The following NEK1 variants were observed in gnomAD, a reference collection of about 807,000 sequenced individuals.
NEK1 encodes the protein NIMA related kinase 1.
A neutral mutation model predicts 182.1 loss-of-function variants in NEK1; 137 were observed. The ratio of observed to expected loss-of-function variants is 0.75; its 90% CI spans 0.65 to 0.87. The LOEUF (loss-of-function observed/expected upper bound fraction) is 0.87. Among genes scored for constraint, NEK1 ranks in the 40% least tolerant of loss-of-function variants. The pLI, the probability that NEK1 is intolerant of heterozygous loss-of-function variation, is 0.00. For missense variants in NEK1, 1,391 were observed against 1,494.4 expected (o/e 0.93, Z 1.14); for synonymous variants, 513 against 492.2 (o/e 1.04, Z -0.56).
chr4:169,525,947 A>G (rs777202175), intron 19 of NEK1, among the ~76,000 whole-genome samples: 2 of 152,240 alleles, frequency 1.3e-5, no homozygotes, highest in Admixed American at 6.5e-5. Context: ...GGCCAGTTTT[A>G]AAACCAGTAA....
intron 14 of NEK1, 42 bp from the exon 15 acceptor site, chr4:169,561,779 C>G (rs761539065): frequency 1.3e-6 from 2 of 1,598,756 alleles, no homozygotes; most frequent in Admixed American, 1.7e-5. Flanking sequence ...ACTCTTGAAC[C>G]TATTATCACT....
In NEK1 at chr4:169,562,171, A is replaced by C; in HGVS notation, c.1046T>G (p.Val349Gly). Residue 349 changes from valine (V) to glycine (G), a missense_variant, in exon 13 of 36, where the codon GTG becomes GGG. Coordinates refer to ENST00000507142, the MANE Select transcript of NEK1 (RefSeq NM_001199397.3). The part of the protein sequence containing the change: ...KQAHQTPEKR[V>G]NTGEERRKIS... Reference sequence around the variant, plus strand: ...TTTCCTCCTTTCTTCTCCAGTATTCACTCTCTTCTCTGGAGTTTGATGGGC... The same window carrying C: ...TTTCCTCCTTTCTTCTCCAGTATTCCCTCTCTTCTCTGGAGTTTGATGGGC... The C allele has an allele frequency of 6.5e-7, 1 of 1,548,910 alleles. No homozygotes were observed. The highest frequency in any genetic ancestry group is 2.0e-5 in the Admixed American group (1 of 51,038).
chr4:169,580,565 T>G (rs916659949), intron 11 of NEK1, among the ~76,000 whole-genome samples: 27 of 151,536 alleles, frequency 1.8e-4, no homozygotes, highest in African/African-American at 6.5e-4. Flanking sequence ...ATTTTACAAT[T>G]CTATAACAAC....
intron 23 of NEK1, among the ~76,000 whole-genome samples, chr4:169,485,667 A>C (rs1056703068): frequency 2.0e-5 from 3 of 152,164 alleles, no homozygotes; most frequent in African/African-American, 7.2e-5. Flanking sequence ...AGAATGACCC[A>C]ATTTTATTAT....
intron 27 of NEK1, among the ~76,000 whole-genome samples, chr4:169,441,314 C>G (rs1423569458): frequency 1.3e-5 from 2 of 152,234 alleles, no homozygotes; most frequent in African/African-American, 2.4e-5. Context: ...AGCCTGAGGT[C>G]AGGCCTGGCC....
At chr4:169,425,208 C>T (rs1267287634) in intron 30 of NEK1, among the ~76,000 whole-genome samples, 3 of 150,550 alleles carry the variant, frequency 2.0e-5, no homozygotes, top group African/African-American at 7.4e-5. Context: ...TGGAGGATTG[C>T]TTGAGGCCAG....
intron 23 of NEK1, among the ~76,000 whole-genome samples, chr4:169,491,136 C>CAAAAAAAAAAAAA (rs70964208): frequency 2.2e-5 from 1 of 45,904 alleles, no homozygotes; most frequent in African/African-American, 1.3e-4. Flanking sequence ...GACTCCATCT[C>CAAAAAAAAAAAAA]AAAAAAAAAA....
At chr4:169,539,825 G>C (rs1759116315) in intron 18 of NEK1, among the ~76,000 whole-genome samples, 1 of 152,020 alleles carries the variant, frequency 6.6e-6, no homozygotes, top group Non-Finnish European at 1.5e-5. Flanking sequence ...TATCCTGATT[G>C]TATCAACTTC....
chr4:169,458,400 A>G (rs1743312689), intron 27 of NEK1, among the ~76,000 whole-genome samples: 1 of 152,120 alleles, frequency 6.6e-6, no homozygotes, highest in African/African-American at 2.4e-5. Context: ...CTTCAAAAAT[A>G]TTTACTCCAA....
chr4:169,556,240 A>G, intron 16 of NEK1, 145 bp from the exon 17 acceptor site: 1 of 698,106 alleles, frequency 1.4e-6, no homozygotes, highest in Non-Finnish European at 2.2e-6. Context: ...CATAAAGCCT[A>G]AAGCAAAATG....
At chr4:169,403,814 T>G (rs1732100239) in intron 32 of NEK1, among the ~76,000 whole-genome samples, 1 of 152,164 alleles carries the variant, frequency 6.6e-6, no homozygotes, top group Admixed American at 6.5e-5. Flanking sequence ...TAAAAAAATT[T>G]GGTCTTGAAT....
At chr4:169,448,377 T>A (rs1740996222) in intron 27 of NEK1, among the ~76,000 whole-genome samples, 1 of 152,156 alleles carries the variant, frequency 6.6e-6, no homozygotes, top group African/African-American at 2.4e-5. Context: ...TTGTCATCAG[T>A]TTAAAATAGT....
At chr4:169,473,281 T>G (rs1746352024) in intron 26 of NEK1, among the ~76,000 whole-genome samples, 1 of 149,542 alleles carries the variant, frequency 6.7e-6, no homozygotes, top group African/African-American at 2.5e-5. Flanking sequence ...TCTTACAGAA[T>G]TCTAAGTGGG....
At chr4:169,593,183 G>A (rs1369372164) in intron 5 of NEK1, among the ~76,000 whole-genome samples, 1 of 152,026 alleles carries the variant, frequency 6.6e-6, no homozygotes, top group Non-Finnish European at 1.5e-5. Flanking sequence ...TCAGAGATCA[G>A]GGGTCAGCAA....
intron 33 of NEK1, among the ~76,000 whole-genome samples, chr4:169,400,920 T>TAAA (rs35743529): frequency 1.4e-5 from 2 of 146,452 alleles, no homozygotes; most frequent in African/African-American, 2.5e-5. Context: ...GTTACTTAAA[T>TAAA]AAAAAAAAAA....
At position 169,562,214 on chromosome 4, in the gene NEK1, C is replaced by A; in HGVS notation, c.1021-18G>T. The A allele has an allele frequency of 6.7e-7, 1 of 1,493,870 alleles. No homozygotes were observed. Among genetic ancestry groups the A allele is most frequent in the South Asian group, 1.3e-5 (1 of 74,644 alleles). The allele number at this position is 1,493,870 out of a possible 1,614,324, so 92.5% of individuals were successfully genotyped here. On this transcript the variant is annotated intron_variant, in intron 12 of 35. Coordinates refer to ENST00000507142, the MANE Select transcript of NEK1 (RefSeq NM_001199397.3). ...TGATGGGCCTGGACAAAAAGTAAAA[C>A]TACAAATTAAATAAAGATTTTGAGG...
chr4:169,465,178 ATAGAG>A (rs771412366), intron 26 of NEK1, among the ~76,000 whole-genome samples: 5 of 152,168 alleles, frequency 3.3e-5, no homozygotes, highest in Non-Finnish European at 2.9e-5. Context: ...GATGGTTAAA[ATAGAG>A]TAGAGAACCC....
intron 24 of NEK1, 82 bp from the exon 25 acceptor site, chr4:169,477,579 T>G (rs1007209171): frequency 9.2e-7 from 1 of 1,086,394 alleles, no homozygotes; most frequent in African/African-American, 1.6e-5. Flanking sequence ...CCTCGTTACT[T>G]TTTGGTTTTC....
intron 19 of NEK1, among the ~76,000 whole-genome samples, chr4:169,521,066 C>G (rs1299128781): frequency 5.6e-5 from 5 of 89,668 alleles, no homozygotes; most frequent in Non-Finnish European, 9.2e-5. Context: ...CTTTGTTTAC[C>G]TAAGCAAGCC....
Sources: allele counts gnomAD v4.1 joint callset (sites outside exome capture counted in the v4.1 genomes callset), GRCh38; gene constraint gnomAD v4.1.1; transcripts MANE v1.5; gene names NCBI Gene and HGNC (gene_info 2026-07-23, HGNC 2026-07-21).